TSPEAR: variants seen among roughly 807,000 people sequenced by gnomAD.
TSPEAR encodes thrombospondin type laminin G domain and EAR repeats, also known as thrombospondin-type laminin G domain and EAR repeat-containing protein.
In TSPEAR, 69 loss-of-function variants were observed where a neutral mutation model predicts 71.6. That is an observed-to-expected ratio of 0.96 (90% CI 0.79 to 1.18). The LOEUF (loss-of-function observed/expected upper bound fraction) is 1.18. Ranked by LOEUF, TSPEAR falls within the 50% of genes most tolerant of loss-of-function variation. The probability of loss-of-function intolerance (pLI) is 0.00; values close to 1 mark genes in which losing one functional copy is unlikely to be tolerated. For synonymous variants in TSPEAR, 402 were observed against 387.2 expected, an observed-to-expected ratio of 1.04 and a Z score of -0.45; for missense variants, 971 against 894.9, an observed-to-expected ratio of 1.09 and a Z score of -1.09.
At chr21:44,507,120 C>T (rs782703700) in intron 10 of TSPEAR, 6 of 152,092 alleles carry the variant, frequency 3.9e-5, no homozygotes, top group Non-Finnish European at 7.4e-5. Flanking sequence ...CACGGCTCTA[C>T]GAGTCCATTT....
chr21:44,573,310 C>G (rs2146083292), intron 1 of TSPEAR, among the ~76,000 whole-genome samples: 1 of 151,964 alleles, frequency 6.6e-6, no homozygotes, highest in Admixed American at 6.5e-5. Flanking sequence ...TAGCCTGGCA[C>G]ACACACACGG....
At chr21:44,699,855 T>G (rs2838647) in intron 1 of TSPEAR, among the ~76,000 whole-genome samples, 37,907 of 152,104 alleles carry the variant, frequency 0.25, 5,224 homozygotes, top group Admixed American at 0.34. Flanking sequence ...TGAGCTAGCG[T>G]CTTCCTCCAA....
chr21:44,627,260 C>T lies in TSPEAR; in HGVS notation c.83-59255G>A, dbSNP rs375179678. ...TGCCCAGAGAGCTGCTGTGAGCCCC[C>T]CTGCTGCGCCACCAGCTGCTGCGCC... On this transcript the variant is annotated intron_variant, in intron 1 of 11. Transcript: ENST00000323084. 50 of 1,612,602 alleles carry T rather than the reference C, an allele frequency of 3.1e-5. No individual in the cohort carries two copies. The highest frequency in any genetic ancestry group is 4.0e-5 in the African/African-American group (3 of 74,888).
At chr21:44,503,059 G>T (rs2052076294) in intron 11 of TSPEAR, among the ~76,000 whole-genome samples, 4 of 143,088 alleles carry the variant, frequency 2.8e-5, no homozygotes, top group Admixed American at 6.9e-5. Flanking sequence ...CTGGGAGGAA[G>T]CTGGCCTCGG....
rs587604429 is a variant in TSPEAR, at chr21:44,560,884, A to G, written c.303+6901T>C. Among the ~76,000 whole-genome samples the G allele has an allele frequency of 3.4e-5, 5 of 148,516 alleles. No individual in the cohort carries two copies. In the East Asian group the frequency reaches 1.0e-3, roughly 30 times the overall value. Reference sequence around the variant, plus strand: ...AAATGTCCACATCAGAAAGCTGGAAAGATCTCAGATCTACACCCTAACATC... The same window carrying G: ...AAATGTCCACATCAGAAAGCTGGAAGGATCTCAGATCTACACCCTAACATC... On this transcript the variant is annotated intron_variant, in intron 2 of 11. Coordinates refer to ENST00000323084, the MANE Select transcript of TSPEAR (RefSeq NM_144991.3).
intron 1 of TSPEAR, chr21:44,637,647 A>T: frequency 6.3e-7 from 1 of 1,579,536 alleles, no homozygotes; most frequent in Non-Finnish European, 8.6e-7. Flanking sequence ...TGCTACCAGC[A>T]GTCTAGCTGC....
At chr21:44,504,479 G>A (rs587647528) in intron 11 of TSPEAR, among the ~76,000 whole-genome samples, 4 of 145,660 alleles carry the variant, frequency 2.7e-5, no homozygotes, top group South Asian at 2.2e-4. Context: ...GGAGGAGGCC[G>A]GCCTCGGTGA....
intron 2 of TSPEAR, among the ~76,000 whole-genome samples, chr21:44,553,621 G>A (rs2053481599): frequency 6.6e-6 from 1 of 152,122 alleles, no homozygotes; most frequent in South Asian, 2.1e-4. Context: ...TAAGATCAAA[G>A]TAATAAAGAA....
At chr21:44,519,824 C>T (rs1320562886) in intron 9 of TSPEAR, 1 of 152,314 alleles carries the variant, frequency 6.6e-6, no homozygotes, top group African/African-American at 2.4e-5. Flanking sequence ...GGCAGCAAGC[C>T]CCTCTCAAGG....
At chr21:44,591,858 G>A (rs1979904616) in intron 1 of TSPEAR, 1 of 1,606,312 alleles carries the variant, frequency 6.2e-7, no homozygotes, top group South Asian at 1.1e-5. Context: ...TAGACTGCTG[G>A]CAGCATGAGG....
At position 44,612,141 on chromosome 21, in the gene TSPEAR, C is replaced by T. The variant is rs587593495; in HGVS notation, c.83-44136G>A. 1.2e-6 allele frequency: 2 copies of T among 1,614,086 alleles called. No homozygotes were observed. The highest frequency in any genetic ancestry group is 1.3e-5 in the African/African-American group (1 of 75,036). Reference sequence around the variant, plus strand: ...TGCACCAGGACGTATGTGATTGCTGCATCCACCATGTCTGTCTGCTCCAGT... The same window carrying T: ...TGCACCAGGACGTATGTGATTGCTGTATCCACCATGTCTGTCTGCTCCAGT... On this transcript the variant is annotated intron_variant, in intron 1 of 11. Transcript: ENST00000323084. The surrounding 1 kb of genome is among the most constrained non-coding windows in gnomAD (Gnocchi z 4.1).
intron 1 of TSPEAR, chr21:44,697,575 G>A (rs554034856): frequency 1.2e-6 from 2 of 1,613,560 alleles, no homozygotes; most frequent in South Asian, 1.1e-5. Flanking sequence ...CCCGTCTGCT[G>A]TGGGCCTTCT....
At chr21:44,639,567 A>G (rs781992724) in intron 1 of TSPEAR, among the ~76,000 whole-genome samples, 17 of 151,864 alleles carry the variant, frequency 1.1e-4, no homozygotes, top group Non-Finnish European at 2.4e-4. Context: ...GTCCCCATGA[A>G]AGGACAAATG....
At chr21:44,624,498 T>G (rs1405041998) in intron 1 of TSPEAR, among the ~76,000 whole-genome samples, 4 of 152,220 alleles carry the variant, frequency 2.6e-5, no homozygotes, top group Non-Finnish European at 5.9e-5. Flanking sequence ...TGAGCCTCTG[T>G]TGATGCTGCT....
In TSPEAR at chr21:44,592,130, A is replaced by G. The variant is rs201840917; in HGVS notation, c.83-24125T>C. On this transcript the variant is annotated intron_variant, in intron 1 of 11. Transcript: ENST00000323084. ...GACACACAGCACACAGGCTTGCAGCAGACAGTCTTGCAGCAGACGGGCACG... is the reference window on the plus strand; with the variant it reads ...GACACACAGCACACAGGCTTGCAGCGGACAGTCTTGCAGCAGACGGGCACG... 2.5e-3 allele frequency: 3,688 copies of G among 1,493,956 alleles called. 41 individuals are homozygous for G. In the African/African-American group the frequency reaches 0.058, roughly 23 times the overall value. The allele number at this position is 1,493,956 out of a possible 1,614,324, so 92.5% of individuals were successfully genotyped here. A position where few individuals can be genotyped will look rare whatever the true frequency, so the allele number is the denominator to read the frequency against.
chr21:44,707,999 C>T (rs1387041364), intron 1 of TSPEAR, among the ~76,000 whole-genome samples: 2 of 54,602 alleles, frequency 3.7e-5, no homozygotes, highest in Non-Finnish European at 3.6e-5. Context: ...CCTCCCCGCC[C>T]CGCGCGTGCA....
intron 2 of TSPEAR, among the ~76,000 whole-genome samples, chr21:44,555,623 C>T (rs1406709785): frequency 7.9e-5 from 12 of 152,084 alleles, no homozygotes; most frequent in African/African-American, 2.7e-4. Context: ...TGAGAAGTCC[C>T]CTCCCAGTCC....
At position 44,533,668 on chromosome 21, in the gene TSPEAR, C is replaced by T. The variant is rs1555915979; in HGVS notation, c.542+17G>A. On this transcript the variant is annotated intron_variant, in intron 3 of 11. Coordinates refer to ENST00000323084, the MANE Select transcript of TSPEAR (RefSeq NM_144991.3). Reference sequence around the variant, plus strand: ...CTCTGAGGACTGCAGGTGCACCCTCCCCGGGTGGGTACCTACATGTCCACC... The same window carrying T: ...CTCTGAGGACTGCAGGTGCACCCTCTCCGGGTGGGTACCTACATGTCCACC... 3 of 1,593,936 alleles carry T rather than the reference C, an allele frequency of 1.9e-6. No homozygotes were observed. The highest frequency in any genetic ancestry group is 2.2e-5 in the East Asian group (1 of 44,492).
intron 1 of TSPEAR, among the ~76,000 whole-genome samples, chr21:44,631,941 G>A (rs1983280911): frequency 1.3e-5 from 2 of 152,204 alleles, no homozygotes; most frequent in African/African-American, 4.8e-5. Flanking sequence ...TGTGGAGTTA[G>A]TGTTTAATGG....
Sources: gnomAD v4.1 joint callset for allele counts (sites outside exome capture counted in the v4.1 genomes callset) on GRCh38, gnomAD v4.1.1 for gene constraint, Gnocchi (gnomAD v3.1) non-coding constraint, MANE v1.5 for transcripts, NCBI Gene and HGNC (gene_info 2026-07-23, HGNC 2026-07-21) for gene names.